Variants in RIMKLB observed in about 807,000 individuals in gnomAD.
RIMKLB encodes the protein beta-citrylglutamate synthase B.
A neutral mutation model predicts 32.0 loss-of-function variants in RIMKLB; 7 were observed. That is an observed-to-expected ratio of 0.22 (90% CI 0.12 to 0.41). RIMKLB has a LOEUF of 0.41. RIMKLB is among the 10% of genes least tolerant of loss of function. The pLI is 1.00. For synonymous variants in RIMKLB, 172 were observed against 185.1 expected (o/e 0.93, Z 0.57); for missense variants, 289 against 498.7 (o/e 0.58, Z 4.00).
intron 1 of RIMKLB, among the ~76,000 whole-genome samples, chr12:8,710,402 G>T (rs1944280252): frequency 6.6e-6 from 1 of 150,658 alleles, no homozygotes; most frequent in Non-Finnish European, 1.5e-5. Flanking sequence ...CCGCCTCCTG[G>T]GTTCAAGCGA....
intron 4 of RIMKLB, among the ~76,000 whole-genome samples, chr12:8,753,682 T>G (rs1279465247): frequency 6.6e-6 from 1 of 152,124 alleles, no homozygotes; most frequent in Non-Finnish European, 1.5e-5. Context: ...ATGAAAGAGT[T>G]TAGGGAGTAG....
At chr12:8,732,394 A>G (rs1946624064) in intron 2 of RIMKLB, among the ~76,000 whole-genome samples, 1 of 152,186 alleles carries the variant, frequency 6.6e-6, no homozygotes, top group Non-Finnish European at 1.5e-5. Context: ...ATTTAGGTCC[A>G]TTAATTGAAG....
chr12:8,718,679 G>T (rs1591720791), intron 2 of RIMKLB, among the ~76,000 whole-genome samples: 2 of 141,198 alleles, frequency 1.4e-5, no homozygotes, highest in Admixed American at 1.4e-4. Flanking sequence ...ATGTGTGTGT[G>T]TGTGTGTGTG....
At chr12:8,677,161 G>A (rs376727389), upstream of RIMKLB, among the ~76,000 whole-genome samples, 22 of 152,252 alleles carry the variant, frequency 1.4e-4, no homozygotes, top group East Asian at 2.7e-3. Flanking sequence ...TACAGGAAAA[G>A]CTCAAGGAAA....
intron 2 of RIMKLB, among the ~76,000 whole-genome samples, chr12:8,722,220 T>A (rs956329186): frequency 1.4e-5 from 2 of 147,662 alleles, no homozygotes; most frequent in African/African-American, 5.0e-5. Flanking sequence ...CTCACAGAGC[T>A]AAAAAAAAAA....
chr12:8,714,376 T>C (rs778728533), intron 2 of RIMKLB, among the ~76,000 whole-genome samples: 1 of 152,282 alleles, frequency 6.6e-6, no homozygotes, highest in South Asian at 2.1e-4. Flanking sequence ...AGACACAGTT[T>C]CTTAAAAATA....
At chr12:8,769,970 ATT>A (rs762664306) in intron 5 of RIMKLB, among the ~76,000 whole-genome samples, 16 of 141,316 alleles carry the variant, frequency 1.1e-4, no homozygotes, top group Non-Finnish European at 1.1e-4. Flanking sequence ...TGTAGCAATA[ATT>A]TTTTTTTTTT....
chr12:8,699,228 G>A (rs1943169285), intron 1 of RIMKLB, among the ~76,000 whole-genome samples: 1 of 152,068 alleles, frequency 6.6e-6, no homozygotes, highest in African/African-American at 2.4e-5. Context: ...ACTCTAAATA[G>A]GTATAGAAAG....
At chr12:8,747,307 C>G (rs1309691900) in intron 2 of RIMKLB, among the ~76,000 whole-genome samples, 1 of 152,182 alleles carries the variant, frequency 6.6e-6, no homozygotes, top group South Asian at 2.1e-4. Flanking sequence ...ACCATCAATA[C>G]AAATCGCAGA....
upstream of RIMKLB, among the ~76,000 whole-genome samples, chr12:8,693,401 CTT>C (rs397849959): frequency 3.5e-5 from 5 of 141,032 alleles, no homozygotes; most frequent in African/African-American, 2.6e-5. Flanking sequence ...TTCTTTCTTT[CTT>C]TTTTTTTTTT....
At chr12:8,729,921 C>T (rs117789291) in intron 2 of RIMKLB, among the ~76,000 whole-genome samples, 5,281 of 152,260 alleles carry the variant, frequency 0.035, 123 homozygotes, top group Middle Eastern at 0.068. Flanking sequence ...ATTTGTGTTT[C>T]CCTAATGATT....
the RIMKLB span, among the ~76,000 whole-genome samples, chr12:8,672,231 A>G: frequency 6.6e-6 from 1 of 152,084 alleles, no homozygotes; most frequent in Non-Finnish European, 1.5e-5. Context: ...GAAGTTCCAA[A>G]CTTTCCCACA....
chr12:8,763,519 C>G (rs1000347636), intron 5 of RIMKLB, among the ~76,000 whole-genome samples: 2 of 152,226 alleles, frequency 1.3e-5, no homozygotes, highest in African/African-American at 4.8e-5. Flanking sequence ...CTCTTAGTTG[C>G]TTTAGGGTTT....
chr12:8,706,288 C>T (rs1183170442), intron 1 of RIMKLB, among the ~76,000 whole-genome samples: 1 of 151,764 alleles, frequency 6.6e-6, no homozygotes, highest in East Asian at 1.9e-4. Flanking sequence ...TACAGGTGCC[C>T]ACCACCATGC....
rs193096563 is a variant in RIMKLB at position 8,738,566 on chromosome 12, T to G, written c.176-11296T>G. Among the ~76,000 whole-genome samples the G allele has an allele frequency of 2.0e-3, 308 of 152,358 alleles. 1 individual carries two copies. The highest frequency in any genetic ancestry group is 2.9e-3 in the Non-Finnish European group (194 of 68,048). On this transcript the variant is annotated intron_variant, in intron 2 of 5. Transcript: ENST00000535829. ...ATGGTCATCCGTGATGTTTTCTTCT[T>G]GACTATTCATTATTTCATAAGACTT... is the stretch of plus-strand genomic sequence containing the variant.
At chr12:8,747,930 A>AT (rs1948244367) in intron 2 of RIMKLB, among the ~76,000 whole-genome samples, 1 of 151,864 alleles carries the variant, frequency 6.6e-6, no homozygotes, top group African/African-American at 2.4e-5. Flanking sequence ...TAATTTTTGT[A>AT]TTTTTAGTAG....
Position 8,763,746 on chromosome 12 carries a change from C to T in RIMKLB, c.698-9575C>T, listed in dbSNP as rs142392795. On this transcript the variant is annotated intron_variant, in intron 5 of 5. Coordinates refer to ENST00000535829, the MANE Select transcript of RIMKLB (RefSeq NM_001297776.2). ...TGGGCGACTAAAAGTAAATTATCCA[C>T]GTACCGAAGGACAAGAGTGTCCTTC... Among the ~76,000 whole-genome samples the T allele has an allele frequency of 9.6e-4, 146 of 152,314 alleles. 2 individuals are homozygous for T. The highest frequency in any genetic ancestry group is 1.9e-4 in the East Asian group (1 of 5,184).
intron 2 of RIMKLB, among the ~76,000 whole-genome samples, chr12:8,749,001 T>C (rs762706493): frequency 5.6e-4 from 85 of 152,242 alleles, no homozygotes; most frequent in African/African-American, 1.5e-3. Flanking sequence ...CTAAATAGAA[T>C]GGTATTGGAT....
In RIMKLB at chr12:8,753,963, A is replaced by G. The variant is rs779262399; in HGVS notation, c.567A>G (p.Pro189=). The G allele has an allele frequency of 2.5e-6, 4 of 1,613,842 alleles. No individual in the cohort carries two copies. Among genetic ancestry groups the G allele is most frequent in the South Asian group, 2.2e-5 (2 of 91,082 alleles). ...DLSHLIRHEA[P]YLFQKYVKES... is the part of the protein sequence containing the mutation. Reference sequence around the variant, plus strand: ...GCCATCTTATTCGCCATGAAGCGCCATACCTGTTCCAGAAGTATGTTAAAG... The same window carrying G: ...GCCATCTTATTCGCCATGAAGCGCCGTACCTGTTCCAGAAGTATGTTAAAG... The change falls in exon 5 of 6, where the codon CCA becomes CCG. Residue 189 remains proline, a synonymous_variant. Transcript: ENST00000535829.
Sources: gnomAD v4.1 joint callset for allele counts (sites outside exome capture counted in the v4.1 genomes callset) on GRCh38, gnomAD v4.1.1 for gene constraint, MANE v1.5 for transcripts, NCBI Gene and HGNC (gene_info 2026-07-23, HGNC 2026-07-21) for gene names.